Variants in SUPT3H observed in about 807,000 individuals in gnomAD.
The protein encoded by SUPT3H is SPT3 homolog, SAGA and STAGA complex component.
A neutral mutation model predicts 44.3 loss-of-function variants in SUPT3H; 44 were observed. That is an observed-to-expected ratio of 0.99 (90% CI 0.78 to 1.28). The LOEUF is 1.28. Ranked by LOEUF, SUPT3H falls within the 50% of genes most tolerant of loss-of-function variation. The pLI is 0.00. For missense variants in SUPT3H, 380 were observed against 387.1 expected (o/e 0.98, Z 0.15); for synonymous variants, 124 against 125.6 (o/e 0.99, Z 0.09).
intron 2 of SUPT3H, among the ~76,000 whole-genome samples, chr6:45,233,549 G>A (rs1768477409): frequency 6.6e-6 from 1 of 152,164 alleles, no homozygotes; most frequent in Non-Finnish European, 1.5e-5. Context: ...TAACTGCTGA[G>A]GTTCTCTCAC....
At chr6:45,222,412 T>A (rs1324169293) in intron 2 of SUPT3H, among the ~76,000 whole-genome samples, 1 of 151,976 alleles carries the variant, frequency 6.6e-6, no homozygotes, top group Non-Finnish European at 1.5e-5. Flanking sequence ...GAAGATGACA[T>A]ACAGATGGCA....
chr6:44,879,289 C>A (rs1395505610), intron 10 of SUPT3H, among the ~76,000 whole-genome samples: 1 of 152,208 alleles, frequency 6.6e-6, no homozygotes, highest in Non-Finnish European at 1.5e-5. Flanking sequence ...GTTCCCCTCA[C>A]AGTGTAAGCA....
At chr6:44,943,918 A>C (rs1363370513) in intron 9 of SUPT3H, among the ~76,000 whole-genome samples, 1 of 152,134 alleles carries the variant, frequency 6.6e-6, no homozygotes. Flanking sequence ...GAAAAATGAT[A>C]CAAGAAAACT....
intron 10 of SUPT3H, among the ~76,000 whole-genome samples, chr6:44,843,927 GCACACACACACACACACA>G (rs56329630): frequency 1.4e-5 from 2 of 148,006 alleles, no homozygotes; most frequent in Non-Finnish European, 3.0e-5. Context: ...ACACACACAC[GCACACACACACACACACA>G]CACACACACA....
intron 10 of SUPT3H, among the ~76,000 whole-genome samples, chr6:44,903,962 C>T (rs1274474335): frequency 6.6e-6 from 1 of 152,126 alleles, no homozygotes. Context: ...CAGAAAAGGC[C>T]TTTGACAAAA....
At chr6:44,862,306 A>C (rs555199021) in intron 10 of SUPT3H, among the ~76,000 whole-genome samples, 1 of 152,004 alleles carries the variant, frequency 6.6e-6, no homozygotes, top group African/African-American at 2.4e-5. Context: ...CCTTTTTGGA[A>C]CCCCAAAACC....
At chr6:45,078,903 T>G (rs2153557261) in intron 3 of SUPT3H, among the ~76,000 whole-genome samples, 1 of 152,320 alleles carries the variant, frequency 6.6e-6, no homozygotes, top group Non-Finnish European at 1.5e-5. Flanking sequence ...ACAGTTTAAT[T>G]ATAATGTGCT....
chr6:45,151,881 T>C (rs904229485), intron 2 of SUPT3H, among the ~76,000 whole-genome samples: 1 of 152,160 alleles, frequency 6.6e-6, no homozygotes, highest in African/African-American at 2.4e-5. Context: ...CACCATGCTC[T>C]ACTGGTTTTC....
intron 9 of SUPT3H, among the ~76,000 whole-genome samples, chr6:44,952,117 T>C (rs1012576418): frequency 3.3e-5 from 5 of 152,330 alleles, no homozygotes; most frequent in African/African-American, 9.6e-5. Context: ...AATTTGATTT[T>C]CCAAGGGGCA....
At chr6:45,012,934 C>T (rs1315086825) in intron 5 of SUPT3H, among the ~76,000 whole-genome samples, 2 of 152,100 alleles carry the variant, frequency 1.3e-5, no homozygotes, top group Non-Finnish European at 2.9e-5. Context: ...AAACAATCTC[C>T]TCCATAACCA....
chr6:45,024,262 T>A (rs1268090267), intron 3 of SUPT3H, among the ~76,000 whole-genome samples: 2 of 152,338 alleles, frequency 1.3e-5, no homozygotes, highest in African/African-American at 4.8e-5. Flanking sequence ...ACATGTCACC[T>A]CAAATGCCAC....
intron 10 of SUPT3H, among the ~76,000 whole-genome samples, chr6:44,863,627 C>A (rs12215263): frequency 0.21 from 32,176 of 151,862 alleles, 3,986 homozygotes; most frequent in Non-Finnish European, 0.29. Flanking sequence ...GCAGAATGAG[C>A]AAGAGGGCAG....
chr6:45,272,809 T>A (rs1159687121), intron 2 of SUPT3H, among the ~76,000 whole-genome samples: 1 of 152,162 alleles, frequency 6.6e-6, no homozygotes, highest in African/African-American at 2.4e-5. Context: ...GATGTTATCA[T>A]TCTTTGGCCC....
intron 10 of SUPT3H, among the ~76,000 whole-genome samples, chr6:44,926,456 T>C (rs1769534146): frequency 6.6e-6 from 1 of 152,122 alleles, no homozygotes; most frequent in Non-Finnish European, 1.5e-5. Context: ...TGTTCATGAC[T>C]GATAAATGTC....
At chr6:45,271,324 G>A (rs973937367) in intron 2 of SUPT3H, among the ~76,000 whole-genome samples, 1 of 152,142 alleles carries the variant, frequency 6.6e-6, no homozygotes, top group African/African-American at 2.4e-5. Context: ...GGCCTAGGAG[G>A]AAAAAATGGT....
chr6:45,278,711 T>C (rs1461192877), intron 2 of SUPT3H, among the ~76,000 whole-genome samples: 1 of 152,214 alleles, frequency 6.6e-6, no homozygotes, highest in Non-Finnish European at 1.5e-5. Flanking sequence ...CTACAATTTA[T>C]AAGCAAGAAT....
chr6:44,863,367 T>C (rs1230870359), intron 10 of SUPT3H, among the ~76,000 whole-genome samples: 1 of 152,118 alleles, frequency 6.6e-6, no homozygotes, highest in African/African-American at 2.4e-5. Flanking sequence ...GGAAAAGATA[T>C]CCTGGGAAAA....
intron 2 of SUPT3H, among the ~76,000 whole-genome samples, chr6:45,157,185 T>A (rs1807969550): frequency 6.6e-6 from 1 of 151,966 alleles, no homozygotes; most frequent in Non-Finnish European, 1.5e-5. Flanking sequence ...TAGAAAAGAG[T>A]TTCAATAATC....
At chr6:44,883,024 A>T (rs1778511630) in intron 10 of SUPT3H, among the ~76,000 whole-genome samples, 1 of 152,212 alleles carries the variant, frequency 6.6e-6, no homozygotes, top group Non-Finnish European at 1.5e-5. Context: ...CAGTATTTGA[A>T]GTTCTGGCCA....
Sources: allele counts gnomAD v4.1 joint callset (sites outside exome capture counted in the v4.1 genomes callset), GRCh38; gene constraint gnomAD v4.1.1; transcripts MANE v1.5; gene names NCBI Gene and HGNC (gene_info 2026-07-23, HGNC 2026-07-21).